TAFA2: variants seen among roughly 807,000 people sequenced by gnomAD.
TAFA2 encodes the protein TAFA chemokine like family member 2.
A neutral mutation model predicts 18.8 loss-of-function variants in TAFA2; 7 were observed. That is an observed-to-expected ratio of 0.37 (90% CI 0.21 to 0.70). TAFA2 has a LOEUF of 0.70. TAFA2 is among the 30% of genes least tolerant of loss of function. The probability of loss-of-function intolerance (pLI) is 0.53; values close to 1 mark genes in which losing one functional copy is unlikely to be tolerated. For missense variants in TAFA2, 122 were observed against 158.1 expected (o/e 0.77, Z 1.23); for synonymous variants, 60 against 54.2 (o/e 1.11, Z -0.47).
chr12:61,828,805 A>G (rs1872615135), intron 2 of TAFA2, among the ~76,000 whole-genome samples: 1 of 151,776 alleles, frequency 6.6e-6, no homozygotes, highest in African/African-American at 2.4e-5. Flanking sequence ...TTAGAGCTGC[A>G]TTCAATAAAT....
chr12:61,927,545 A>T (rs1877356445), intron 1 of TAFA2, among the ~76,000 whole-genome samples: 1 of 152,232 alleles, frequency 6.6e-6, no homozygotes, highest in Non-Finnish European at 1.5e-5. Context: ...TTCCATGCTC[A>T]TGGATAGGAA....
intron 2 of TAFA2, among the ~76,000 whole-genome samples, chr12:61,798,896 A>G (rs533889126): frequency 1.3e-5 from 2 of 152,372 alleles, no homozygotes; most frequent in South Asian, 2.1e-4. Context: ...ATAATCTTTC[A>G]GAGGAAACAC....
intron 2 of TAFA2, among the ~76,000 whole-genome samples, chr12:61,823,964 T>C (rs1478275586): frequency 1.3e-5 from 2 of 152,122 alleles, no homozygotes; most frequent in Non-Finnish European, 2.9e-5. Flanking sequence ...AGTGTGAGTG[T>C]GAGACCGGTG....
intron 4 of TAFA2, among the ~76,000 whole-genome samples, chr12:61,726,090 A>G (rs190608507): frequency 1.3e-5 from 2 of 150,388 alleles, no homozygotes; most frequent in Admixed American, 6.7e-5. Context: ...CTAATCCTCC[A>G]TTTTCTTTAC....
At chr12:61,982,876 C>CAAAAAAAAAAAAAAAAAAAAAAAAAAAA (rs3031097) in intron 1 of TAFA2, among the ~76,000 whole-genome samples, 1 of 101,594 alleles carries the variant, frequency 9.8e-6, no homozygotes, top group Non-Finnish European at 2.0e-5. Context: ...AAGTGGAAGG[C>CAAAAAAAAAAAAAAAAAAAAAAAAAAAA]AAAAAAAAAA....
intron 1 of TAFA2, among the ~76,000 whole-genome samples, chr12:61,964,991 A>T (rs1429912008): frequency 6.6e-6 from 1 of 151,926 alleles, no homozygotes; most frequent in South Asian, 2.1e-4. Flanking sequence ...GGTTACACAC[A>T]TGATGTACAT....
chr12:61,786,643 C>A (rs370405146), intron 2 of TAFA2, among the ~76,000 whole-genome samples: 1 of 151,084 alleles, frequency 6.6e-6, no homozygotes, highest in Non-Finnish European at 1.5e-5. Flanking sequence ...TAAAAACAAC[C>A]AAGGTTGAAC....
chr12:62,236,923 T>G (rs939734416), intron 1 of TAFA2, among the ~76,000 whole-genome samples: 3 of 152,150 alleles, frequency 2.0e-5, no homozygotes, highest in East Asian at 1.9e-4. Flanking sequence ...CGCCTTGAGG[T>G]AGTCTTATTC....
chr12:61,801,702 A>G (rs374237378), intron 2 of TAFA2, among the ~76,000 whole-genome samples: 2 of 152,236 alleles, frequency 1.3e-5, no homozygotes, highest in East Asian at 3.9e-4. Context: ...GGTTGAGCCA[A>G]AGATTTTATG....
intron 1 of TAFA2, among the ~76,000 whole-genome samples, chr12:62,131,533 T>C (rs550055520): frequency 6.6e-6 from 1 of 152,184 alleles, no homozygotes; most frequent in South Asian, 2.1e-4. Context: ...ACACTCCAGA[T>C]TGGCTTCCCA....
intron 4 of TAFA2, among the ~76,000 whole-genome samples, chr12:61,730,656 C>T (rs537905012): frequency 1.3e-5 from 2 of 152,164 alleles, no homozygotes; most frequent in South Asian, 2.1e-4. Context: ...TTATGGCTGC[C>T]TCTGCTGCTT....
At chr12:62,060,026 A>C (rs1230577643) in intron 1 of TAFA2, among the ~76,000 whole-genome samples, 1 of 152,168 alleles carries the variant, frequency 6.6e-6, no homozygotes, top group Non-Finnish European at 1.5e-5. Flanking sequence ...AGTAACTTAA[A>C]ATTACACACA....
intron 2 of TAFA2, among the ~76,000 whole-genome samples, chr12:61,799,463 G>A (rs1871316654): frequency 6.6e-6 from 1 of 152,078 alleles, no homozygotes; most frequent in Admixed American, 6.5e-5. Context: ...CTTAAGATAA[G>A]ACTACTATCG....
intron 1 of TAFA2, chr12:61,890,567 T>C (rs1409957486): frequency 6.6e-6 from 1 of 152,218 alleles, no homozygotes; most frequent in East Asian, 1.9e-4. Context: ...TGCAAAGCAT[T>C]TCCTATACCA....
intron 1 of TAFA2, among the ~76,000 whole-genome samples, chr12:62,140,879 G>T (rs1253435053): frequency 6.6e-6 from 1 of 152,050 alleles, no homozygotes; most frequent in Non-Finnish European, 1.5e-5. Context: ...TAGCACATGG[G>T]GTCAAATTAA....
intron 1 of TAFA2, among the ~76,000 whole-genome samples, chr12:61,977,937 C>T (rs1879495832): frequency 6.6e-6 from 1 of 151,868 alleles, no homozygotes; most frequent in South Asian, 2.1e-4. Flanking sequence ...GAAATCGTTC[C>T]ACTGATTTCA....
At chr12:62,155,577 G>A (rs1016899017) in intron 1 of TAFA2, among the ~76,000 whole-genome samples, 3 of 152,000 alleles carry the variant, frequency 2.0e-5, no homozygotes, top group African/African-American at 7.2e-5. Flanking sequence ...AAACAGCATG[G>A]TACTGGTATA....
At chr12:62,100,358 A>G (rs2136848237) in intron 1 of TAFA2, among the ~76,000 whole-genome samples, 1 of 152,296 alleles carries the variant, frequency 6.6e-6, no homozygotes, top group South Asian at 2.1e-4. Context: ...ACTCCTAGTA[A>G]CATTTACATC....
At chr12:62,198,847 A>T (rs2136966452) in intron 1 of TAFA2, among the ~76,000 whole-genome samples, 1 of 152,302 alleles carries the variant, frequency 6.6e-6, no homozygotes, top group African/African-American at 2.4e-5. Flanking sequence ...TGTGGTCAAA[A>T]CTCAGGAAAC....
Sources: gnomAD v4.1 joint callset for allele counts (sites outside exome capture counted in the v4.1 genomes callset) on GRCh38, gnomAD v4.1.1 for gene constraint, MANE v1.5 for transcripts, NCBI Gene and HGNC (gene_info 2026-07-23, HGNC 2026-07-21) for gene names.